The following VWA8 variants were observed in gnomAD, a reference collection of about 807,000 sequenced individuals.
VWA8 encodes von Willebrand factor A domain-containing protein 8.
VWA8 carries 221 observed loss-of-function variants against 241.5 expected under a neutral mutation model. The ratio of observed to expected loss-of-function variants is 0.91; its 90% CI spans 0.82 to 1.02. The LOEUF (loss-of-function observed/expected upper bound fraction) is 1.02. Ranked by LOEUF, VWA8 falls within the 50% of genes least tolerant of loss-of-function variation. The pLI is 0.00. For missense variants in VWA8, 2,322 were observed against 2,328.7 expected (o/e 1.00, Z 0.06); for synonymous variants, 852 against 827.1 (o/e 1.03, Z -0.52).
intron 12 of VWA8, among the ~76,000 whole-genome samples, chr13:41,850,949 C>A (rs1038528805): frequency 6.6e-6 from 1 of 152,138 alleles, no homozygotes; most frequent in Non-Finnish European, 1.5e-5. Context: ...TAAATGATAT[C>A]AGGAAAACAA....
At chr13:41,663,791 C>T (rs1163465461) in intron 37 of VWA8, among the ~76,000 whole-genome samples, 7 of 151,850 alleles carry the variant, frequency 4.6e-5, no homozygotes, top group South Asian at 2.1e-4. Flanking sequence ...AATTTTTCTA[C>T]ATCGTGGTTC....
chr13:41,733,720 A>G (rs2045503580), intron 21 of VWA8, among the ~76,000 whole-genome samples: 2 of 152,150 alleles, frequency 1.3e-5, no homozygotes, highest in African/African-American at 4.8e-5. Context: ...CCCTTAACAC[A>G]CTATACTGCA....
chr13:41,890,071 G>A (rs926048584), intron 5 of VWA8, among the ~76,000 whole-genome samples: 1 of 152,182 alleles, frequency 6.6e-6, no homozygotes, highest in Admixed American at 6.5e-5. Context: ...GATGTTCCAT[G>A]AATAGATCTA....
At chr13:41,578,424 T>C (rs2044363730) in intron 42 of VWA8, among the ~76,000 whole-genome samples, 2 of 152,200 alleles carry the variant, frequency 1.3e-5, no homozygotes, top group South Asian at 4.1e-4. Flanking sequence ...CTGCAGATTA[T>C]ATTAAGCTTC....
intron 12 of VWA8, among the ~76,000 whole-genome samples, chr13:41,853,728 T>A (rs1001659761): frequency 2.6e-5 from 4 of 152,226 alleles, no homozygotes; most frequent in Non-Finnish European, 5.9e-5. Flanking sequence ...CTTTTGTTTA[T>A]AATCTTGTCT....
At chr13:41,590,552 T>G (rs2044447596) in intron 41 of VWA8, 88 bp downstream of exon 41, 6 of 1,405,336 alleles carry the variant, frequency 4.3e-6, no homozygotes, top group Non-Finnish European at 5.7e-6. Flanking sequence ...TCAGGATTTG[T>G]GATATTTTGA....
intron 21 of VWA8, among the ~76,000 whole-genome samples, chr13:41,748,157 C>A (rs1262987799): frequency 6.6e-6 from 1 of 152,106 alleles, no homozygotes; most frequent in Non-Finnish European, 1.5e-5. Flanking sequence ...TGATTGGAAT[C>A]ATTTCAGAAG....
At chr13:41,721,339 G>T in intron 25 of VWA8, 31 bp downstream of exon 25, 1 of 1,605,868 alleles carries the variant, frequency 6.2e-7, no homozygotes, top group Non-Finnish European at 8.5e-7. Context: ...GAGAGTGATG[G>T]CTCTTAGGTA....
chr13:41,658,627 T>A (rs1047798093), intron 37 of VWA8, among the ~76,000 whole-genome samples: 3 of 152,184 alleles, frequency 2.0e-5, no homozygotes, highest in African/African-American at 7.2e-5. Context: ...TGCCTCCACG[T>A]CCCATAGTCA....
intron 37 of VWA8, 146 bp from the exon 38 acceptor site, chr13:41,615,230 G>T: frequency 1.4e-6 from 1 of 718,370 alleles, no homozygotes. Context: ...TGAGTATTTG[G>T]CAAAAATTCC....
intron 34 of VWA8, among the ~76,000 whole-genome samples, chr13:41,688,165 G>T (rs1342864240): frequency 1.3e-5 from 2 of 152,012 alleles, no homozygotes; most frequent in East Asian, 3.9e-4. Flanking sequence ...CTTTTAACTT[G>T]ATAATTAGGA....
At chr13:41,885,203 A>G (rs1874463896) in intron 8 of VWA8, among the ~76,000 whole-genome samples, 1 of 152,170 alleles carries the variant, frequency 6.6e-6, no homozygotes, top group Non-Finnish European at 1.5e-5. Context: ...TTCTCCCTCT[A>G]CCACACACAC....
In VWA8 at chr13:41,869,431, C is replaced by T. The variant is rs531285741; in HGVS notation, c.1081-954G>A. ...AGCGGATCACCTGAGGTCAGGAGTT[C>T]GACACGAGCCTGGCCAACATGGTGA... On this transcript the variant is annotated intron_variant, in intron 9 of 44. Coordinates refer to ENST00000379310, the MANE Select transcript of VWA8 (RefSeq NM_015058.2). 9.2e-5 allele frequency among the ~76,000 whole-genome samples: 14 copies of T among 151,842 alleles called. No individual in the cohort carries two copies. The East Asian group carries it at 1.6e-3, about 17-fold the overall frequency.
chr13:41,655,090 A>T (rs975527511), intron 37 of VWA8, among the ~76,000 whole-genome samples: 8 of 138,228 alleles, frequency 5.8e-5, no homozygotes, highest in East Asian at 2.1e-4. Context: ...AAAAACTGAA[A>T]TTTTTTTTTT....
intron 37 of VWA8, among the ~76,000 whole-genome samples, chr13:41,635,848 A>T (rs1022029286): frequency 6.6e-6 from 1 of 152,152 alleles, no homozygotes; most frequent in Non-Finnish European, 1.5e-5. Flanking sequence ...AGGAGGGTGG[A>T]GATTTCAGGC....
intron 14 of VWA8, among the ~76,000 whole-genome samples, chr13:41,822,237 T>C (rs1454265985): frequency 2.0e-5 from 3 of 152,182 alleles, no homozygotes; most frequent in Non-Finnish European, 4.4e-5. Context: ...AAGGGAATCC[T>C]ATGGTACATT....
intron 33 of VWA8, 83 bp downstream of exon 33, chr13:41,690,083 T>C (rs2045165386): frequency 8.2e-7 from 1 of 1,226,062 alleles, no homozygotes; most frequent in African/African-American, 1.5e-5. Context: ...AGGCTGGTGT[T>C]TTGTTCTTAA....
Position 41,568,209 on chromosome 13 carries a change from C to T in VWA8, c.5706G>A (p.Leu1902=), listed in dbSNP as rs1423690612. The change falls in exon 45 of 45, where the codon TTG becomes TTA. Residue 1902 remains leucine, a synonymous_variant. Coordinates refer to ENST00000379310, the MANE Select transcript of VWA8 (RefSeq NM_015058.2). ...ILQQIFTSTM[L]SSV Reference sequence around the variant, plus strand: ...TGAAGGGCACTTCTTAGACACTCGACAACATGGTGGAGGTGAAGATCTGTT... The same window carrying T: ...TGAAGGGCACTTCTTAGACACTCGATAACATGGTGGAGGTGAAGATCTGTT... The T allele has an allele frequency of 1.2e-6, 2 of 1,613,990 alleles. No individual in the cohort carries two copies. Among genetic ancestry groups the T allele is most frequent in the Non-Finnish European group, 8.5e-7 (1 of 1,179,886 alleles).
At chr13:41,569,113 A>G (rs916030409) in intron 44 of VWA8, among the ~76,000 whole-genome samples, 2 of 152,248 alleles carry the variant, frequency 1.3e-5, no homozygotes, top group African/African-American at 4.8e-5. Context: ...GACATTTAAT[A>G]AAATTCAACC....
Sources: allele counts gnomAD v4.1 joint callset (sites outside exome capture counted in the v4.1 genomes callset), GRCh38; gene constraint gnomAD v4.1.1; transcripts MANE v1.5; gene names NCBI Gene and HGNC (gene_info 2026-07-23, HGNC 2026-07-21).